RAPGEF6: variants seen among roughly 807,000 people sequenced by gnomAD.
The protein encoded by RAPGEF6 is Rap guanine nucleotide exchange factor 6.
In RAPGEF6, 56 loss-of-function variants were observed where a neutral mutation model predicts 171.4. The ratio of observed to expected loss-of-function variants is 0.33; its 90% CI spans 0.26 to 0.41. RAPGEF6 has a LOEUF of 0.41. RAPGEF6 is among the 10% of genes least tolerant of loss of function. The pLI is 1.00. For synonymous variants in RAPGEF6, 692 were observed against 650.1 expected (o/e 1.06, Z -0.98); for missense variants, 1,674 against 1,921.4 (o/e 0.87, Z 2.41).
chr5:131,505,904 G>A (rs1273680626), intron 9 of RAPGEF6, among the ~76,000 whole-genome samples: 2 of 152,122 alleles, frequency 1.3e-5, no homozygotes, highest in East Asian at 1.9e-4. Context: ...CATATGGAAA[G>A]TATCTATCAT....
chr5:131,536,547 C>T (rs1416326270), intron 6 of RAPGEF6, among the ~76,000 whole-genome samples: 5 of 152,106 alleles, frequency 3.3e-5, no homozygotes, highest in Admixed American at 6.6e-5. Context: ...GAAAATCTGT[C>T]ACAGCCACCA....
chr5:131,539,429 A>T (rs1303378347), intron 6 of RAPGEF6, among the ~76,000 whole-genome samples: 3 of 152,198 alleles, frequency 2.0e-5, no homozygotes, highest in Non-Finnish European at 4.4e-5. Context: ...GTTTGACTTG[A>T]ATAAATATTT....
rs887894254 is a variant in RAPGEF6 at position 131,431,760 on chromosome 5, G to C, written c.3975-411C>G. On this transcript the variant is annotated intron_variant, in intron 25 of 27. Transcript: ENST00000509018. Reference sequence around the variant, plus strand: ...CCGCCTCAGCCTCCCCAGCAGCTGGGATGGACCAGAGGTATGCCTGGCAAG... The same window carrying C: ...CCGCCTCAGCCTCCCCAGCAGCTGGCATGGACCAGAGGTATGCCTGGCAAG... Among the ~76,000 whole-genome samples, 121 of 152,180 alleles carry C rather than the reference G, an allele frequency of 8.0e-4. 1 individual carries two copies. Among genetic ancestry groups the C allele is most frequent in the African/African-American group, 2.7e-3 (113 of 41,498 alleles).
intron 1 of RAPGEF6, among the ~76,000 whole-genome samples, chr5:131,619,167 T>C (rs7706785): frequency 0.78 from 118,275 of 151,964 alleles, 46,355 homozygotes; most frequent in Middle Eastern, 0.83. Flanking sequence ...TGGCCAGGTA[T>C]GGTGGCTCAC....
chr5:131,449,706 G>A lies in RAPGEF6; in HGVS notation c.3201-3003C>T, dbSNP rs536811862. Among the ~76,000 whole-genome samples the A allele has an allele frequency of 1.3e-4, 20 of 152,154 alleles. No individual in the cohort carries two copies. In the South Asian group the frequency reaches 2.5e-3, roughly 19 times the overall value. Reference sequence around the variant, plus strand: ...GTAGTAGAATTAAGTAAGATAATTCGTTTAGAGTGCTTAGAACAATGTATG... The same window carrying A: ...GTAGTAGAATTAAGTAAGATAATTCATTTAGAGTGCTTAGAACAATGTATG... On this transcript the variant is annotated intron_variant, in intron 21 of 27. Transcript: ENST00000509018.
At chr5:131,465,313 C>A (rs1010982590) in intron 17 of RAPGEF6, among the ~76,000 whole-genome samples, 3 of 152,014 alleles carry the variant, frequency 2.0e-5, no homozygotes, top group African/African-American at 7.3e-5. Flanking sequence ...ATTCCACCCC[C>A]CCTTGTTCTA....
rs1325843031 is a variant in RAPGEF6, at chr5:131,429,091, C to G, written c.4591G>C (p.Asp1531His). The G allele has an allele frequency of 1.2e-6, 2 of 1,614,062 alleles. No individual in the cohort carries two copies. Among genetic ancestry groups the G allele is most frequent in the South Asian group, 1.1e-5 (1 of 91,090 alleles). Reference sequence around the variant, plus strand: ...GACCTCTGCACTGCCACACTATAATCTGGAGGTTTTAGGTGTGTGTGGGGT... The same window carrying G: ...GACCTCTGCACTGCCACACTATAATGTGGAGGTTTTAGGTGTGTGTGGGGT... ...EGPHTHLKPP[D>H]YSVAVQRSKM... The change falls in exon 27 of 28, where the codon GAT becomes CAT. Residue 1531 changes from aspartate to histidine, a missense_variant. Around this residue, in one of 3 missense-constraint regions of RAPGEF6, gnomAD observed 552 missense variants for 574.2 expected, o/e 0.96. Transcript: ENST00000509018.
At chr5:131,433,854 T>A (rs766978567) in intron 24 of RAPGEF6, among the ~76,000 whole-genome samples, 196 bp from the exon 25 acceptor site, 3 of 152,054 alleles carry the variant, frequency 2.0e-5, no homozygotes, top group Non-Finnish European at 4.4e-5. Context: ...TTGCCTACTA[T>A]CCACACCACA....
chr5:131,589,111 A>G (rs1763438869), intron 4 of RAPGEF6, among the ~76,000 whole-genome samples: 1 of 152,064 alleles, frequency 6.6e-6, no homozygotes, highest in Non-Finnish European at 1.5e-5. Context: ...AACTAAGAAA[A>G]AGGCAGGATA....
intron 21 of RAPGEF6, among the ~76,000 whole-genome samples, chr5:131,451,720 T>C (rs962795414): frequency 6.6e-6 from 1 of 152,204 alleles, no homozygotes; most frequent in African/African-American, 2.4e-5. Flanking sequence ...GTAAAAGTAA[T>C]GGCAAAAATC....
intron 19 of RAPGEF6, among the ~76,000 whole-genome samples, chr5:131,456,355 T>C (rs895959930): frequency 5.9e-5 from 9 of 152,200 alleles, no homozygotes; most frequent in African/African-American, 2.2e-4. Flanking sequence ...AATAACTTTA[T>C]GGAGACATTA....
chr5:131,615,815 T>A (rs989675999), intron 1 of RAPGEF6, among the ~76,000 whole-genome samples: 1 of 151,846 alleles, frequency 6.6e-6, no homozygotes, highest in African/African-American at 2.4e-5. Flanking sequence ...GGCATGAGAA[T>A]TGCTTGAACC....
intron 7 of RAPGEF6, among the ~76,000 whole-genome samples, chr5:131,519,637 G>C (rs1002791343): frequency 2.6e-5 from 4 of 152,080 alleles, no homozygotes; most frequent in Non-Finnish European, 4.4e-5. Flanking sequence ...CCTAACCTCA[G>C]GTAATCCGCC....
rs1049132617 is a variant in RAPGEF6, at chr5:131,455,665, T to C, written c.3076+136A>G. The C allele has an allele frequency of 1.2e-5, 8 of 690,702 alleles. No individual in the cohort carries two copies. The African/African-American group carries it at 1.4e-4, about 12-fold the overall frequency. 42.8% of individuals were successfully genotyped at this position (690,702 alleles called of 1,614,324 possible). A position where few individuals can be genotyped will look rare whatever the true frequency, so the allele number is the denominator to read the frequency against. On this transcript the variant is annotated intron_variant, in intron 20 of 27. Transcript: ENST00000509018. The stretch of plus-strand genomic sequence containing the variant: ...AAATATGTATGGTATGACATCTAAT[T>C]CAACACTAGAAAAATGGTAAAATAG...
At chr5:131,560,770 T>C (rs1223280476) in intron 5 of RAPGEF6, among the ~76,000 whole-genome samples, 3 of 152,250 alleles carry the variant, frequency 2.0e-5, no homozygotes, top group Non-Finnish European at 2.9e-5. Context: ...ACATAATCTT[T>C]GCCCTGTAAG....
At chr5:131,479,268 CATAAA>C (rs1755309449) in intron 16 of RAPGEF6, among the ~76,000 whole-genome samples, 1 of 151,784 alleles carries the variant, frequency 6.6e-6, no homozygotes, top group Admixed American at 6.6e-5. Context: ...AAATGGATTT[CATAAA>C]ATAAAATGGA....
chr5:131,548,133 G>T lies in RAPGEF6; in HGVS notation c.409C>A (p.Gln137Lys), dbSNP rs765477086. 2.2e-5 allele frequency: 35 copies of T among 1,613,738 alleles called. No individual in the cohort carries two copies. The highest frequency in any genetic ancestry group is 2.7e-5 in the Non-Finnish European group (32 of 1,179,826). Residue 137 changes from glutamine to lysine, a missense_variant, in exon 6 of 28, where the codon CAA (glutamine) becomes AAA (lysine). Coordinates refer to ENST00000509018, the MANE Select transcript of RAPGEF6 (RefSeq NM_016340.6). ...SILQREIPAR[Q>K]SRRRFRKINY... ...ATTTTCCGAAATCTTCTTCGGGATT[G>T]TCTGGCAGGAATTTCTCTTTGTAGA...
At chr5:131,484,527 T>A (rs1755739777) in intron 15 of RAPGEF6, among the ~76,000 whole-genome samples, 1 of 152,162 alleles carries the variant, frequency 6.6e-6, no homozygotes, top group African/African-American at 2.4e-5. Context: ...GACATTCTTA[T>A]ACACTGATGA....
chr5:131,442,358 G>A lies in RAPGEF6; in HGVS notation c.3601C>T (p.Pro1201Ser). The change falls in exon 23 of 28, where the codon CCT (proline) becomes TCT (serine). Residue 1201 changes from proline to serine, a missense_variant. Physicochemically the swap from Pro to Ser is moderately conservative, Grantham distance 74 (BLOSUM62 -1). Around this residue, in one of 3 missense-constraint regions of RAPGEF6, gnomAD observed 552 missense variants for 574.2 expected, o/e 0.96. Transcript: ENST00000509018. ...PIRKKGQTKD[P>S]ALNTSLPQKV... ...AATGGTGAATACTCACTCAGTGCAG[G>A]GTCTTTTGTTTGTCCCTTCTTCCTG... 6.2e-7 allele frequency: 1 copy of A among 1,613,532 alleles called. No individual in the cohort carries two copies. The highest frequency in any genetic ancestry group is 8.5e-7 in the Non-Finnish European group (1 of 1,179,640).
Sources: allele counts gnomAD v4.1 joint callset (sites outside exome capture counted in the v4.1 genomes callset), GRCh38; gene constraint gnomAD v4.1.1; regional missense constraint gnomAD v4.1.1; transcripts MANE v1.5; gene names NCBI Gene and HGNC (gene_info 2026-07-23, HGNC 2026-07-21).